CFI: variants seen among roughly 807,000 people sequenced by gnomAD.
CFI encodes complement factor I.
In CFI, 66 loss-of-function variants were observed where a neutral mutation model predicts 78.8. The observed-to-expected ratio is 0.84, with a 90% CI of 0.69 to 1.03. The LOEUF (loss-of-function observed/expected upper bound fraction) is 1.03, where lower values mean the gene tolerates loss of function less well. Among genes scored for constraint, CFI ranks in the 50% least tolerant of loss-of-function variants. The probability of loss-of-function intolerance (pLI) is 0.00; values close to 1 mark genes in which losing one functional copy is unlikely to be tolerated. For synonymous variants in CFI, 250 were observed against 232.6 expected, an observed-to-expected ratio of 1.07 and a Z score of -0.68; for missense variants, 706 against 704.5, an observed-to-expected ratio of 1.00 and a Z score of -0.02.
At chr4:109,757,263 T>G (rs1726437350) in intron 7 of CFI, among the ~76,000 whole-genome samples, 1 of 144,872 alleles carries the variant, frequency 6.9e-6, no homozygotes, top group African/African-American at 2.4e-5. Context: ...CTCAATCTCC[T>G]GACCTCGTGA....
At chr4:109,768,346 A>G (rs1258727860) in intron 1 of CFI, among the ~76,000 whole-genome samples, 1 of 151,030 alleles carries the variant, frequency 6.6e-6, no homozygotes, top group Non-Finnish European at 1.5e-5. Context: ...AAAAAAAAAA[A>G]AAAAAAAGAA....
intron 7 of CFI, among the ~76,000 whole-genome samples, chr4:109,756,978 A>AAAGAAATT (rs1561298201): frequency 4.9e-5 from 7 of 143,374 alleles, no homozygotes; most frequent in African/African-American, 1.5e-4. Flanking sequence ...AGAAAGAAAG[A>AAAGAAATT]AATTCTGAGG....
rs1204931119 is a variant in CFI at position 109,767,921 on chromosome 4, G to A, written c.58-1097C>T. ...TGATAGACCAGATTAAGAAAATGTG[G>A]CATATATACACCATGGAATACTATG... is the stretch of plus-strand genomic sequence containing the variant. On this transcript the variant is annotated intron_variant, in intron 1 of 12. Transcript: ENST00000394634. Among the ~76,000 whole-genome samples the A allele has an allele frequency of 2.6e-5, 4 of 152,016 alleles. No individual in the cohort carries two copies. In the South Asian group the frequency reaches 6.2e-4, roughly 24 times the overall value.
intron 1 of CFI, among the ~76,000 whole-genome samples, chr4:109,790,480 G>T (rs1342044674): frequency 7.2e-5 from 11 of 152,130 alleles, no homozygotes; most frequent in African/African-American, 2.2e-4. Context: ...GTGCAGGTTT[G>T]TTATGTAGGT....
chr4:109,775,357 T>C lies in CFI; in HGVS notation c.58-8533A>G, dbSNP rs1211328333. Among the ~76,000 whole-genome samples the C allele has an allele frequency of 2.0e-5, 3 of 152,192 alleles. No individual in the cohort carries two copies. The East Asian group carries it at 5.8e-4, about 29-fold the overall frequency. On this transcript the variant is annotated intron_variant, in intron 1 of 12. Coordinates refer to ENST00000394634, the MANE Select transcript of CFI (RefSeq NM_000204.5). ...CGGCACACCAGGAGATTATATCCCG[T>C]GCCTGGCTCGGAGGGTCCCACACCC... is the stretch of plus-strand genomic sequence containing the variant.
intron 10 of CFI, among the ~76,000 whole-genome samples, chr4:109,747,906 T>G (rs1724678098): frequency 6.6e-6 from 1 of 152,056 alleles, no homozygotes; most frequent in Non-Finnish European, 1.5e-5. Context: ...CACAATAGGG[T>G]TTGCACTCCT....
At chr4:109,777,197 G>C (rs1427951722) in intron 1 of CFI, among the ~76,000 whole-genome samples, 1 of 152,148 alleles carries the variant, frequency 6.6e-6, no homozygotes, top group Non-Finnish European at 1.5e-5. Flanking sequence ...AAAGAGTCAA[G>C]ACCCATCAGT....
chr4:109,794,541 CA>C (rs1731805445), intron 1 of CFI: 1 of 152,120 alleles, frequency 6.6e-6, no homozygotes, highest in African/African-American at 2.4e-5. Flanking sequence ...CCTGTAATCC[CA>C]GCACTTTGGG....
the CFI span, among the ~76,000 whole-genome samples, chr4:109,734,734 G>A: frequency 6.6e-6 from 1 of 152,182 alleles, no homozygotes; most frequent in Non-Finnish European, 1.5e-5. Context: ...AACCTAGGAG[G>A]TGGAGGTTGC....
intron 8 of CFI, among the ~76,000 whole-genome samples, chr4:109,750,774 G>C (rs549280538): frequency 6.6e-6 from 1 of 152,164 alleles, no homozygotes; most frequent in Non-Finnish European, 1.5e-5. Context: ...ATACCGAAAG[G>C]AGTTAGGCCC....
intron 1 of CFI, among the ~76,000 whole-genome samples, chr4:109,792,374 A>G (rs969290329): frequency 3.9e-5 from 6 of 152,078 alleles, no homozygotes; most frequent in African/African-American, 1.4e-4. Context: ...TCAGGAGTTC[A>G]AGATCAGCCT....
Position 109,740,864 on chromosome 4 carries a change from AG to A in CFI, c.*28del. The A allele has an allele frequency of 6.4e-7, 1 of 1,570,284 alleles. No homozygotes were observed. On this transcript the variant is annotated 3_prime_UTR_variant, in exon 13 of 13. Coordinates refer to ENST00000394634, the MANE Select transcript of CFI (RefSeq NM_000204.5). ...ATTAAATGGAACTCTTGAGAGAAAA[AG>A]AATAGAATGAAGAGAGAGATCACAA... is the stretch of plus-strand genomic sequence containing the variant.
chr4:109,731,871 A>T, the CFI span, among the ~76,000 whole-genome samples: 8 of 152,296 alleles, frequency 5.3e-5, no homozygotes, highest in African/African-American at 1.7e-4. Context: ...TTTATTTTTT[A>T]ATTTTTAGAC....
rs1262787931 is a variant in CFI, at chr4:109,740,799, T to C, written c.*94A>G. The C allele has an allele frequency of 2.5e-6, 3 of 1,186,410 alleles. No individual in the cohort carries two copies. The highest frequency in any genetic ancestry group is 2.5e-5 in the South Asian group (2 of 80,048). 73.5% of individuals were successfully genotyped at this position (1,186,410 alleles called of 1,614,324 possible). ...ATATCCAGTGAGATTTGCTTCATTTTTCCCCCCTAGAGAATTATTAATTAT... is the reference window on the plus strand; with the variant it reads ...ATATCCAGTGAGATTTGCTTCATTTCTCCCCCCTAGAGAATTATTAATTAT... On this transcript the variant is annotated 3_prime_UTR_variant, in exon 13 of 13. Coordinates refer to ENST00000394634, the MANE Select transcript of CFI (RefSeq NM_000204.5).
rs186344594 is a variant in CFI at position 109,750,669 on chromosome 4, C to G, written c.941-1067G>C. The stretch of plus-strand genomic sequence containing the variant: ...AGTAAAATATATCCCTTTATTTCCT[C>G]TCTATATTTTAACATGTCATGAAAA... On this transcript the variant is annotated intron_variant, in intron 8 of 12. Coordinates refer to ENST00000394634, the MANE Select transcript of CFI (RefSeq NM_000204.5). Among the ~76,000 whole-genome samples, 3 of 152,248 alleles carry G rather than the reference C, an allele frequency of 2.0e-5. No homozygotes were observed. In the East Asian group the frequency reaches 5.8e-4, roughly 29 times the overall value.
intron 1 of CFI, among the ~76,000 whole-genome samples, chr4:109,780,612 G>A (rs1291574037): frequency 1.3e-5 from 2 of 152,056 alleles, no homozygotes; most frequent in African/African-American, 4.8e-5. Context: ...ATCTAGAACT[G>A]GAAATACCAT....
At chr4:109,772,511 T>C (rs1728726428) in intron 1 of CFI, among the ~76,000 whole-genome samples, 1 of 152,062 alleles carries the variant, frequency 6.6e-6, no homozygotes, top group Admixed American at 6.6e-5. Context: ...TCTCCCAGAA[T>C]AACAGATTAA....
chr4:109,800,868 T>G lies in CFI; in HGVS notation c.57+1047A>C, dbSNP rs147487448. ...TAAATATGTCATTTCAATGGCTATGTAATAGTTCAATTTTGGATATACAAT... is the reference window on the plus strand; with the variant it reads ...TAAATATGTCATTTCAATGGCTATGGAATAGTTCAATTTTGGATATACAAT... On this transcript the variant is annotated intron_variant, in intron 1 of 12. Coordinates refer to ENST00000394634, the MANE Select transcript of CFI (RefSeq NM_000204.5). 2.6e-5 allele frequency among the ~76,000 whole-genome samples: 4 copies of G among 152,326 alleles called. No individual in the cohort carries two copies. In the East Asian group the frequency reaches 7.7e-4, roughly 29 times the overall value.
chr4:109,801,671 T>C (rs1732783780), intron 1 of CFI, among the ~76,000 whole-genome samples: 1 of 152,216 alleles, frequency 6.6e-6, no homozygotes, highest in Admixed American at 6.5e-5. Context: ...CAGCCTTGTA[T>C]TAGTAAAATT....
Sources: allele counts gnomAD v4.1 joint callset (sites outside exome capture counted in the v4.1 genomes callset), GRCh38; gene constraint gnomAD v4.1.1; transcripts MANE v1.5; gene names NCBI Gene and HGNC (gene_info 2026-07-23, HGNC 2026-07-21).